Variants in EYS observed in about 807,000 individuals in gnomAD.
EYS encodes the protein protein eyes shut homolog.
In EYS, 250 loss-of-function variants were observed where a neutral mutation model predicts 282.1. The ratio of observed to expected loss-of-function variants is 0.89; its 90% CI spans 0.80 to 0.98. The LOEUF is 0.98. Among genes scored for constraint, EYS ranks in the 50% least tolerant of loss-of-function variants. The pLI, the probability that EYS is intolerant of heterozygous loss-of-function variation, is 0.00. For synonymous variants in EYS, 1,355 were observed against 1,282.9 expected, an observed-to-expected ratio of 1.06 and a Z score of -1.20; for missense variants, 4,016 against 3,709.0, an observed-to-expected ratio of 1.08 and a Z score of -2.15.
chr6:64,086,423 C>A (rs1027621045), intron 31 of EYS, among the ~76,000 whole-genome samples: 6 of 152,094 alleles, frequency 3.9e-5, no homozygotes, highest in African/African-American at 1.4e-4. Flanking sequence ...TGGTCAAAAA[C>A]TTCAGTGGCT....
chr6:64,821,532 T>G, intron 21 of EYS, 113 bp downstream of exon 21: 1 of 566,050 alleles, frequency 1.8e-6, no homozygotes, highest in Non-Finnish European at 3.1e-6. Flanking sequence ...GAGAGAACAG[T>G]TAAATCATCA....
At position 65,496,669 on chromosome 6, in the gene EYS, T is replaced by C. The variant is rs192647737; in HGVS notation, c.-332-676A>G. ...TGAAGATGGAATGACTACGTAAACATATATGAGTCACTCAATAAATAGTAG... is the reference window on the plus strand; with the variant it reads ...TGAAGATGGAATGACTACGTAAACACATATGAGTCACTCAATAAATAGTAG... On this transcript the variant is annotated intron_variant, in intron 2 of 42. Transcript: ENST00000503581. Among the ~76,000 whole-genome samples, 315 of 152,212 alleles carry C rather than the reference T, an allele frequency of 2.1e-3. 2 individuals are homozygous for C. Among genetic ancestry groups the C allele is most frequent in the African/African-American group, 7.3e-3 (304 of 41,572 alleles).
chr6:65,072,003 T>C (rs1773917404), intron 12 of EYS, among the ~76,000 whole-genome samples: 1 of 151,844 alleles, frequency 6.6e-6, no homozygotes, highest in Non-Finnish European at 1.5e-5. Context: ...TATAAGATAA[T>C]AAATTTCTCT....
Position 63,888,376 on chromosome 6 carries a change from T to C in EYS, c.7056-24018A>G, listed in dbSNP as rs143649531. 1.0e-2 allele frequency among the ~76,000 whole-genome samples: 1,516 copies of C among 152,326 alleles called. 12 individuals carry two copies. Among genetic ancestry groups the C allele is most frequent in the Non-Finnish European group, 0.016 (1,100 of 68,038 alleles). ...CTCCCAGCAGGGGTTGACACACACC[T>C]CATACAGGAGAGCTCTGTCTGGCAT... On this transcript the variant is annotated intron_variant, in intron 35 of 42. Coordinates refer to ENST00000503581, the MANE Select transcript of EYS (RefSeq NM_001142800.2).
rs1768315629 is a variant in EYS at position 63,720,118 on chromosome 6, C to G, written c.*478G>C. On this transcript the variant is annotated 3_prime_UTR_variant, in exon 43 of 43. Coordinates refer to ENST00000503581, the MANE Select transcript of EYS (RefSeq NM_001142800.2). ...ATCATATAAATAAGTTGTAGCTAAG[C>G]CATGTAATACAATATGGTTACATTG... The G allele has an allele frequency of 6.3e-6, 1 of 159,688 alleles. No homozygotes were observed. The highest frequency in any genetic ancestry group is 2.0e-4 in the South Asian group (1 of 4,902). The allele number at this position is 159,688 out of a possible 1,614,324, so 9.9% of individuals were successfully genotyped here.
intron 21 of EYS, 138 bp downstream of exon 21, chr6:64,821,507 A>C (rs1583192949): frequency 2.0e-6 from 1 of 496,806 alleles, no homozygotes; most frequent in East Asian, 3.4e-5. Context: ...CCAAAGAATT[A>C]CACAGAGGAA....
intron 18 of EYS, among the ~76,000 whole-genome samples, chr6:64,893,278 A>C (rs940557539): frequency 4.6e-5 from 7 of 152,074 alleles, no homozygotes; most frequent in Admixed American, 6.6e-5. Context: ...ATTCATCTTT[A>C]AATCATGTTA....
chr6:64,771,377 T>C (rs966335540), intron 22 of EYS, among the ~76,000 whole-genome samples: 6 of 151,766 alleles, frequency 4.0e-5, no homozygotes, highest in Non-Finnish European at 4.4e-5. Flanking sequence ...TATGTTGATG[T>C]TCCTGTATTA....
intron 28 of EYS, among the ~76,000 whole-genome samples, chr6:64,406,629 C>T (rs775518479): frequency 2.6e-5 from 4 of 152,050 alleles, no homozygotes; most frequent in African/African-American, 4.8e-5. Flanking sequence ...AAAAACAACT[C>T]CATCAAAAAG....
intron 22 of EYS, among the ~76,000 whole-genome samples, chr6:64,669,144 G>A (rs1769346926): frequency 6.6e-6 from 1 of 152,100 alleles, no homozygotes; most frequent in Non-Finnish European, 1.5e-5. Flanking sequence ...GCTTATTTCA[G>A]TTTGAAACAT....
chr6:64,744,791 GA>G (rs1308049642), intron 22 of EYS, among the ~76,000 whole-genome samples: 13 of 151,988 alleles, frequency 8.6e-5, no homozygotes, highest in African/African-American at 3.1e-4. Flanking sequence ...AAAAAGTAGA[GA>G]AAAAATCACT....
intron 31 of EYS, among the ~76,000 whole-genome samples, chr6:64,125,157 T>TCTCTCTCTCTCTCGCGCGCGCG (rs1773727183): frequency 2.2e-5 from 3 of 139,330 alleles, no homozygotes; most frequent in African/African-American, 9.0e-5. Flanking sequence ...ACTCTCTGTC[T>TCTCTCTCTCTCTCGCGCGCGCG]CTCTCTCTCT....
intron 12 of EYS, among the ~76,000 whole-genome samples, chr6:65,096,292 G>A (rs1774737497): frequency 6.7e-6 from 1 of 150,202 alleles, no homozygotes; most frequent in African/African-American, 2.4e-5. Flanking sequence ...CTTAACCATG[G>A]AGGTTAAAGA....
intron 12 of EYS, among the ~76,000 whole-genome samples, chr6:65,108,724 A>T (rs1775117728): frequency 6.6e-6 from 1 of 152,196 alleles, no homozygotes; most frequent in Non-Finnish European, 1.5e-5. Flanking sequence ...CTGTCTGCAA[A>T]TTTGTTTCAT....
chr6:64,088,767 T>C lies in EYS; in HGVS notation c.6425-6765A>G, dbSNP rs796067297. Among the ~76,000 whole-genome samples the C allele has an allele frequency of 9.2e-5, 14 of 152,110 alleles. 1 individual carries two copies. The highest frequency in any genetic ancestry group is 3.4e-4 in the African/African-American group (14 of 41,550). On this transcript the variant is annotated intron_variant, in intron 31 of 42. Coordinates refer to ENST00000503581, the MANE Select transcript of EYS (RefSeq NM_001142800.2). ...AAAACACAAAAGAGATGAGTATCTT[T>C]ACCCTGAACACAACGCAACTTAGCA...
intron 33 of EYS, among the ~76,000 whole-genome samples, chr6:64,039,989 A>G (rs1448287453): frequency 6.6e-6 from 1 of 152,200 alleles, no homozygotes; most frequent in Non-Finnish European, 1.5e-5. Context: ...TAGCACTGAA[A>G]TAGATGGAAA....
chr6:64,372,130 G>GTTTTTTTTTTTTTTTT lies in EYS; in HGVS notation c.6078+16544_6078+16559dup, dbSNP rs201498090. 7.0e-4 allele frequency among the ~76,000 whole-genome samples: 68 copies of GTTTTTTTTTTTTTTTT among 97,702 alleles called. 1 individual carries two copies. The highest frequency in any genetic ancestry group is 1.8e-3 in the African/African-American group (39 of 21,234). 64.1% of individuals were successfully genotyped at this position (97,702 alleles called of 152,430 possible). A position where few individuals can be genotyped will look rare whatever the true frequency, so the allele number is the denominator to read the frequency against. On this transcript the variant is annotated intron_variant, in intron 29 of 42. Transcript: ENST00000503581. Reference sequence around the variant, plus strand: ...TAGCATCACTGGTCTGTATACTTGTGTTTTTTTTTTTTTTTTTTTTTTTTT... The same window carrying GTTTTTTTTTTTTTTTT: ...TAGCATCACTGGTCTGTATACTTGTGTTTTTTTTTTTTTTTTTTTTTTTTTTTTTTTTTTTTTTTTT...
At chr6:64,447,449 T>C (rs1298533507) in intron 26 of EYS, among the ~76,000 whole-genome samples, 1 of 143,174 alleles carries the variant, frequency 7.0e-6, no homozygotes, top group Non-Finnish European at 1.5e-5. Context: ...ATATGCTTCT[T>C]GAAATTCTGA....
chr6:64,409,642 T>A (rs1362937268), intron 28 of EYS, among the ~76,000 whole-genome samples: 1 of 152,182 alleles, frequency 6.6e-6, no homozygotes, highest in Non-Finnish European at 1.5e-5. Flanking sequence ...TATTAGAATC[T>A]GAAAAAATGC....
Sources: gnomAD v4.1 joint callset for allele counts (sites outside exome capture counted in the v4.1 genomes callset) on GRCh38, gnomAD v4.1.1 for gene constraint, MANE v1.5 for transcripts, NCBI Gene and HGNC (gene_info 2026-07-23, HGNC 2026-07-21) for gene names.